Variants in CTNND1 observed in about 807,000 individuals in gnomAD.
The protein encoded by CTNND1 is catenin delta 1, also known as catenin delta-1.
CTNND1 carries 16 observed loss-of-function variants against 112.1 expected under a neutral mutation model. The ratio of observed to expected loss-of-function variants is 0.14; its 90% CI spans 0.10 to 0.22. The LOEUF (loss-of-function observed/expected upper bound fraction) is 0.22. Among genes scored for constraint, CTNND1 ranks in the 10% least tolerant of loss-of-function variants. The pLI is 1.00. For synonymous variants in CTNND1, 420 were observed against 446.5 expected, an observed-to-expected ratio of 0.94 and a Z score of 0.75; for missense variants, 1,008 against 1,257.0, an observed-to-expected ratio of 0.80 and a Z score of 3.00.
chr11:57,778,986 ATGGTCC>A (rs1279630101), intron 1 of CTNND1, among the ~76,000 whole-genome samples: 1 of 152,152 alleles, frequency 6.6e-6, no homozygotes, highest in Non-Finnish European at 1.5e-5. Flanking sequence ...AGTTATATAA[ATGGTCC>A]TGATCTCTTA....
intron 1 of CTNND1, among the ~76,000 whole-genome samples, chr11:57,769,034 C>T (rs184453446): frequency 2.9e-4 from 44 of 151,204 alleles, no homozygotes; most frequent in African/African-American, 1.0e-3. Context: ...AGGCTGGGCG[C>T]GGTGGCTCAC....
At chr11:57,770,806 C>T (rs1224004412) in intron 1 of CTNND1, among the ~76,000 whole-genome samples, 1 of 152,150 alleles carries the variant, frequency 6.6e-6, no homozygotes, top group Non-Finnish European at 1.5e-5. Flanking sequence ...AAAGCACCTG[C>T]AGTTCCCATT....
At chr11:57,809,630 GA>G (rs1305980149) in intron 15 of CTNND1, among the ~76,000 whole-genome samples, 164 bp downstream of exon 15, 1 of 152,242 alleles carries the variant, frequency 6.6e-6, no homozygotes, top group Non-Finnish European at 1.5e-5. Context: ...ATTGATAATA[GA>G]TTCATGTCAA....
At chr11:57,793,899 C>T (rs954498873) in intron 3 of CTNND1, 111 bp from the exon 4 acceptor site, 7 of 994,796 alleles carry the variant, frequency 7.0e-6, no homozygotes, top group Non-Finnish European at 4.7e-6. Context: ...GACTCCAGGC[C>T]ACACATATCT....
At chr11:57,808,647 C>T in intron 14 of CTNND1, 107 bp downstream of exon 14, 1 of 1,084,626 alleles carries the variant, frequency 9.2e-7, no homozygotes, top group South Asian at 2.7e-5. Flanking sequence ...AAGGGAAGGA[C>T]CCTCCCCCGC....
intron 4 of CTNND1, among the ~76,000 whole-genome samples, chr11:57,794,727 G>A (rs892808432): frequency 6.6e-6 from 1 of 151,344 alleles, no homozygotes; most frequent in African/African-American, 2.4e-5. Flanking sequence ...GGAGATTGTG[G>A]TGAGCTGAGA....
At chr11:57,810,421 C>T (rs1411634779) in intron 16 of CTNND1, among the ~76,000 whole-genome samples, 198 bp downstream of exon 16, 1 of 151,770 alleles carries the variant, frequency 6.6e-6, no homozygotes, top group African/African-American at 2.4e-5. Context: ...CTCTGCCTCC[C>T]GGGTTCAAGT....
At chr11:57,795,972 A>G (rs1459547113) in intron 5 of CTNND1, among the ~76,000 whole-genome samples, 1 of 152,092 alleles carries the variant, frequency 6.6e-6, no homozygotes, top group African/African-American at 2.4e-5. Flanking sequence ...TGTCAGGGCA[A>G]TTTTCCTGCT....
chr11:57,796,980 G>A lies in CTNND1; in HGVS notation c.944G>A (p.Arg315His), dbSNP rs759865860. 5.4e-6 allele frequency: 8 copies of A among 1,470,902 alleles called. No homozygotes were observed. Among genetic ancestry groups the A allele is most frequent in the Admixed American group, 4.4e-5 (2 of 45,028 alleles). 91.1% of individuals were successfully genotyped at this position (1,470,902 alleles called of 1,614,324 possible). Residue 315 changes from arginine (R) to histidine (H), a missense_variant, in exon 6 of 21, where the codon CGT becomes CAT. By Grantham distance (29) the Arg-to-His change is conservative. Around this residue, in one of 5 missense-constraint regions of CTNND1, gnomAD observed 404 missense variants for 457.9 expected, o/e 0.88. Transcript: ENST00000399050. The part of the protein sequence containing the change: ...ARRTGTPSDP[R>H]RRLRSYEDMI... ...CGGACTGGGACACCCTCTGACCCTC[G>A]TCGGCGCCTCAGGTAGGCAAGAATA...
chr11:57,791,411 CCTT>C lies in CTNND1; in HGVS notation c.-65_-63del, dbSNP rs1028174990. On this transcript the variant is annotated 5_prime_UTR_variant, in exon 3 of 21. Coordinates refer to ENST00000399050, the MANE Select transcript of CTNND1 (RefSeq NM_001085458.2). ...GTGAAGTGAGGGGGTCTCTCTCCCT[CCTT>C]CTCCTTCCTCTGTGATTCACCTTCC... 1.7e-5 allele frequency: 24 copies of C among 1,388,958 alleles called. No individual in the cohort carries two copies. The highest frequency in any genetic ancestry group is 6.9e-5 in the Admixed American group (2 of 28,868). 86.0% of individuals were successfully genotyped at this position (1,388,958 alleles called of 1,614,324 possible). A position where few individuals can be genotyped will look rare whatever the true frequency, so the allele number is the denominator to read the frequency against.
chr11:57,783,384 A>C (rs958838789), intron 1 of CTNND1, among the ~76,000 whole-genome samples: 2 of 151,138 alleles, frequency 1.3e-5, no homozygotes, highest in Non-Finnish European at 3.0e-5. Context: ...AAGCCATAGA[A>C]AGGCCGGGCT....
intron 1 of CTNND1, among the ~76,000 whole-genome samples, chr11:57,786,961 G>C (rs1269783176): frequency 6.6e-6 from 1 of 152,138 alleles, no homozygotes; most frequent in Admixed American, 6.6e-5. Context: ...TGACACCATG[G>C]CATAGAAAGA....
chr11:57,782,131 A>T (rs2136330346), intron 1 of CTNND1, among the ~76,000 whole-genome samples: 1 of 151,924 alleles, frequency 6.6e-6, no homozygotes, highest in East Asian at 1.9e-4. Context: ...TACCCTGTTG[A>T]TGTATAGAGG....
chr11:57,810,526 C>T (rs2063209648), intron 16 of CTNND1, among the ~76,000 whole-genome samples: 1 of 151,996 alleles, frequency 6.6e-6, no homozygotes, highest in African/African-American at 2.4e-5. Context: ...GATGAGGTTT[C>T]ACCATGTTGG....
intron 17 of CTNND1, 103 bp from the exon 18 acceptor site, chr11:57,814,208 G>T: frequency 2.6e-6 from 2 of 780,286 alleles, no homozygotes; most frequent in Non-Finnish European, 4.4e-6. Flanking sequence ...CTAAGTAGAA[G>T]TGTGAATGAA....
chr11:57,777,359 C>T (rs996829181), intron 1 of CTNND1, among the ~76,000 whole-genome samples: 2 of 152,132 alleles, frequency 1.3e-5, no homozygotes, highest in Admixed American at 6.5e-5. Flanking sequence ...ACCTCTGCCT[C>T]CCGGGCTCAA....
intron 6 of CTNND1, among the ~76,000 whole-genome samples, chr11:57,800,019 GCT>G (rs2061826976): frequency 1.0e-5 from 1 of 96,486 alleles, no homozygotes; most frequent in East Asian, 3.5e-4. Flanking sequence ...ATGGAGTCTT[GCT>G]CTGTCACCCA....
chr11:57,789,484 A>G lies in CTNND1; in HGVS notation c.-95+329A>G, dbSNP rs1031830957. 2.0e-5 allele frequency among the ~76,000 whole-genome samples: 3 copies of G among 152,322 alleles called. No homozygotes were observed. In the South Asian group the frequency reaches 6.2e-4, roughly 32 times the overall value. ...TTTTTATATAACTATCTTTTATTGT[A>G]TAGATAGCACACATAGACCCTCTAG... On this transcript the variant is annotated intron_variant, in intron 2 of 20. Transcript: ENST00000399050.
intron 1 of CTNND1, among the ~76,000 whole-genome samples, chr11:57,779,570 AC>A (rs1185267417): frequency 1.3e-5 from 2 of 152,176 alleles, no homozygotes; most frequent in African/African-American, 4.8e-5. Flanking sequence ...TTGCTAACAT[AC>A]CACTAGAACA....
Sources: allele counts gnomAD v4.1 joint callset (sites outside exome capture counted in the v4.1 genomes callset), GRCh38; gene constraint gnomAD v4.1.1; regional missense constraint gnomAD v4.1.1; transcripts MANE v1.5; gene names NCBI Gene and HGNC (gene_info 2026-07-23, HGNC 2026-07-21).